Variants in PCSK2 observed in about 807,000 individuals in gnomAD.
PCSK2 encodes proprotein convertase subtilisin/kexin type 2.
Under a neutral mutation model 69.7 loss-of-function variants are expected in PCSK2, and 14 were observed. The ratio of observed to expected loss-of-function variants is 0.20; its 90% CI spans 0.13 to 0.31. The LOEUF (loss-of-function observed/expected upper bound fraction) is 0.31, where lower values mean the gene tolerates loss of function less well. PCSK2 is among the 10% of genes least tolerant of loss of function. The pLI is 1.00. For missense variants in PCSK2, 544 were observed against 842.5 expected (o/e 0.65, Z 4.39); for synonymous variants, 307 against 320.7 (o/e 0.96, Z 0.46).
intron 2 of PCSK2, among the ~76,000 whole-genome samples, chr20:17,309,743 G>C (rs576557820): frequency 6.6e-6 from 1 of 152,094 alleles, no homozygotes; most frequent in South Asian, 2.1e-4. Flanking sequence ...ACTTGAACTT[G>C]GAAGGAGGAG....
intron 5 of PCSK2, among the ~76,000 whole-genome samples, chr20:17,395,791 A>G (rs1290116187): frequency 6.6e-6 from 1 of 152,250 alleles, no homozygotes; most frequent in African/African-American, 2.4e-5. Context: ...TGTGTTTTAG[A>G]CAAAGTTTCC....
chr20:17,284,186 T>C (rs922906676), intron 2 of PCSK2, among the ~76,000 whole-genome samples: 3 of 152,200 alleles, frequency 2.0e-5, no homozygotes, highest in African/African-American at 4.8e-5. Flanking sequence ...CTTGGGAACA[T>C]TGTTCCCACT....
chr20:17,310,647 T>G (rs541380351), intron 2 of PCSK2, among the ~76,000 whole-genome samples: 18 of 150,428 alleles, frequency 1.2e-4, no homozygotes, highest in African/African-American at 4.4e-4. Flanking sequence ...GTAGGTTTCA[T>G]TTATCTTTAT....
At chr20:17,315,764 A>G (rs1480367300) in intron 2 of PCSK2, among the ~76,000 whole-genome samples, 2 of 152,128 alleles carry the variant, frequency 1.3e-5, no homozygotes, top group East Asian at 3.9e-4. Flanking sequence ...GTGAATGTGA[A>G]TCGCCGACAC....
intron 6 of PCSK2, among the ~76,000 whole-genome samples, chr20:17,425,257 A>C (rs1191162404): frequency 1.3e-5 from 2 of 152,212 alleles, no homozygotes; most frequent in Non-Finnish European, 2.9e-5. Flanking sequence ...GAAACCCCAA[A>C]GTGTCAGACA....
intron 1 of PCSK2, among the ~76,000 whole-genome samples, chr20:17,258,436 C>T (rs141822051): frequency 6.6e-6 from 1 of 151,976 alleles, no homozygotes; most frequent in East Asian, 1.9e-4. Flanking sequence ...TTCTATCATA[C>T]CTGAAGTTTC....
intron 5 of PCSK2, among the ~76,000 whole-genome samples, chr20:17,370,669 T>C (rs2030731993): frequency 6.6e-6 from 1 of 152,180 alleles, no homozygotes; most frequent in African/African-American, 2.4e-5. Flanking sequence ...GTGCCTTCCC[T>C]ACTGAACATG....
intron 1 of PCSK2, among the ~76,000 whole-genome samples, chr20:17,252,994 A>T (rs1357466139): frequency 2.0e-5 from 3 of 152,212 alleles, no homozygotes. Flanking sequence ...GGGAAAAAGG[A>T]TATTTTTATT....
chr20:17,468,703 T>C (rs1253028591), intron 11 of PCSK2, among the ~76,000 whole-genome samples: 1 of 135,208 alleles, frequency 7.4e-6, no homozygotes, highest in African/African-American at 2.9e-5. Flanking sequence ...CCACCATAGG[T>C]CAGCACCCTC....
intron 2 of PCSK2, among the ~76,000 whole-genome samples, chr20:17,271,845 A>C (rs1378306009): frequency 2.0e-5 from 3 of 152,170 alleles, no homozygotes; most frequent in Admixed American, 1.3e-4. Flanking sequence ...ATACATCATC[A>C]GAACAAATTT....
In PCSK2 at chr20:17,227,391, T is replaced by C. The variant is rs769528942; in HGVS notation, c.86T>C (p.Val29Ala). 4 of 1,613,906 alleles carry C rather than the reference T, an allele frequency of 2.5e-6. No homozygotes were observed. The highest frequency in any genetic ancestry group is 1.7e-4 in the Middle Eastern group (1 of 6,060). The change falls in exon 1 of 12, where the codon GTC becomes GCC. Residue 29 changes from valine to alanine, a missense_variant. Val to Ala is a moderately conservative substitution (Grantham distance 64). Coordinates refer to ENST00000262545, the MANE Select transcript of PCSK2 (RefSeq NM_002594.5). ...VMVFASAERP[V>A]FTNHFLVELH... Reference sequence around the variant, plus strand: ...GTTTTTGCATCTGCTGAGCGACCGGTCTTCACGAATCATTTTCTTGTGGAG... The same window carrying C: ...GTTTTTGCATCTGCTGAGCGACCGGCCTTCACGAATCATTTTCTTGTGGAG...
rs934189167 is a variant in PCSK2 at position 17,484,326 on chromosome 20, T to A, written c.*2256T>A. 6.6e-6 allele frequency: 1 copy of A among 152,516 alleles called. No homozygotes were observed. Among genetic ancestry groups the A allele is most frequent in the African/African-American group, 2.4e-5 (1 of 41,460 alleles). The allele number at this position is 152,516 out of a possible 1,614,324, so 9.4% of individuals were successfully genotyped here. On this transcript the variant is annotated 3_prime_UTR_variant, in exon 12 of 12. Coordinates refer to ENST00000262545, the MANE Select transcript of PCSK2 (RefSeq NM_002594.5). Reference sequence around the variant, plus strand: ...AAAAATATATATAGTGCTATATATATAAATATTTGGTCTCTATTTCATTTT... The same window carrying A: ...AAAAATATATATAGTGCTATATATAAAAATATTTGGTCTCTATTTCATTTT...
At chr20:17,245,602 G>A (rs183425349) in intron 1 of PCSK2, among the ~76,000 whole-genome samples, 64 of 152,278 alleles carry the variant, frequency 4.2e-4, no homozygotes, top group Non-Finnish European at 6.9e-4. Context: ...CAAAGTAACA[G>A]AGAATGCTAG....
chr20:17,333,575 G>A lies in PCSK2; in HGVS notation c.283-24752G>A, dbSNP rs182853985. On this transcript the variant is annotated intron_variant, in intron 2 of 11. Coordinates refer to ENST00000262545, the MANE Select transcript of PCSK2 (RefSeq NM_002594.5). ...CTTGATAATCTTCACAGCTGGAAAT[G>A]TCCCCCTTCCTTCAGAATTTCTCTG... is the stretch of plus-strand genomic sequence containing the variant. Among the ~76,000 whole-genome samples, 410 of 150,226 alleles carry A rather than the reference G, an allele frequency of 2.7e-3. 2 individuals carry two copies. The highest frequency in any genetic ancestry group is 0.01 in the Middle Eastern group (3 of 294).
chr20:17,465,488 G>A lies in PCSK2; in HGVS notation c.1365G>A (p.Met455Ile). ...TTGATGCAGGTGCCATGGTGAAAAT[G>A]GCTAAAGACTGGAAAACCGTGCCTG... is the stretch of plus-strand genomic sequence containing the variant. ...GVLDAGAMVKMAKDWKTVPER... is the reference protein window; with the variant it reads ...GVLDAGAMVKIAKDWKTVPER... Residue 455 changes from methionine (M) to isoleucine (I), a missense_variant, in exon 11 of 12, where the codon ATG becomes ATA. Met to Ile is a conservative substitution (Grantham distance 10). Around this residue, in one of 3 missense-constraint regions of PCSK2, gnomAD observed 200 missense variants for 287.8 expected, o/e 0.69. Transcript: ENST00000262545. 5 of 1,613,924 alleles carry A rather than the reference G, an allele frequency of 3.1e-6. No individual in the cohort carries two copies. Among genetic ancestry groups the A allele is most frequent in the Non-Finnish European group, 4.2e-6 (5 of 1,179,882 alleles).
At chr20:17,340,349 A>G (rs149522245) in intron 2 of PCSK2, among the ~76,000 whole-genome samples, 19 of 152,298 alleles carry the variant, frequency 1.2e-4, no homozygotes, top group African/African-American at 4.6e-4. Context: ...CTACACGCCT[A>G]TAATTTTCCC....
At chr20:17,401,214 G>T (rs1431087465) in intron 5 of PCSK2, among the ~76,000 whole-genome samples, 1 of 152,102 alleles carries the variant, frequency 6.6e-6, no homozygotes, top group East Asian at 1.9e-4. Flanking sequence ...AAGTTTTTTA[G>T]TCTGTTTGAG....
chr20:17,307,129 C>T (rs887369871), intron 2 of PCSK2, among the ~76,000 whole-genome samples: 2 of 152,108 alleles, frequency 1.3e-5, no homozygotes, highest in East Asian at 3.8e-4. Flanking sequence ...ATTTCACAGG[C>T]TTTATCTTCT....
rs199876170 is a variant in PCSK2 at position 17,481,602 on chromosome 20, C to G, written c.1449C>G (p.Gly483=). Residue 483 remains glycine, a synonymous_variant, in exon 12 of 12, where the codon GGC becomes GGG. Coordinates refer to ENST00000262545, the MANE Select transcript of PCSK2 (RefSeq NM_002594.5). ...VQDPEKIPST[G]KLVLTLTTDA... ...CCCTCAGGAAAATACCATCCACTGG[C>G]AAGTTGGTGCTGACACTCACAACCG... 1 of 1,613,880 alleles carries G rather than the reference C, an allele frequency of 6.2e-7. No homozygotes were observed. Among genetic ancestry groups the G allele is most frequent in the African/African-American group, 1.3e-5 (1 of 74,976 alleles).
Sources: gnomAD v4.1 joint callset for allele counts (sites outside exome capture counted in the v4.1 genomes callset) on GRCh38, gnomAD v4.1.1 for gene constraint, gnomAD v4.1.1 regional missense constraint, MANE v1.5 for transcripts, NCBI Gene and HGNC (gene_info 2026-07-23, HGNC 2026-07-21) for gene names.